CMKLR1: variants seen among roughly 807,000 people sequenced by gnomAD.
CMKLR1 encodes the protein chemerin chemokine-like receptor 1.
CMKLR1 carries 6 observed loss-of-function variants against 8.2 expected under a neutral mutation model. The observed-to-expected ratio is 0.73, with a 90% CI of 0.40 to 1.44. The LOEUF is 1.44. Ranked by LOEUF, CMKLR1 falls within the 40% of genes most tolerant of loss-of-function variation. The pLI, the probability that CMKLR1 is intolerant of heterozygous loss-of-function variation, is 0.02. For synonymous variants in CMKLR1, 178 were observed against 181.2 expected (o/e 0.98, Z 0.14); for missense variants, 429 against 478.0 (o/e 0.90, Z 0.96).
chr12:108,332,663 T>C (rs1892136568), intron 1 of CMKLR1, among the ~76,000 whole-genome samples: 1 of 152,204 alleles, frequency 6.6e-6, no homozygotes, highest in Non-Finnish European at 1.5e-5. Context: ...TTCTCCAGTT[T>C]TGGGACTCAG....
chr12:108,290,070 G>A lies in CMKLR1; in HGVS notation c.*1771C>T, dbSNP rs932710893. ...TGGAGACATAGGAGGTGGGAGCCAC[G>A]GTAGGAGGCTGTTAATGGCTGTTGA... is the stretch of plus-strand genomic sequence containing the variant. On this transcript the variant is annotated 3_prime_UTR_variant, in exon 4 of 4. Coordinates refer to ENST00000550402, the MANE Select transcript of CMKLR1 (RefSeq NM_001142343.2). 1 of 152,248 alleles carries A rather than the reference G, an allele frequency of 6.6e-6. No homozygotes were observed. The highest frequency in any genetic ancestry group is 2.1e-4 in the South Asian group (1 of 4,836). 9.4% of individuals were successfully genotyped at this position (152,248 alleles called of 1,614,324 possible). A position where few individuals can be genotyped will look rare whatever the true frequency, so the allele number is the denominator to read the frequency against.
intron 2 of CMKLR1, among the ~76,000 whole-genome samples, chr12:108,313,087 C>T (rs1423950283): frequency 6.6e-6 from 1 of 152,154 alleles, no homozygotes; most frequent in Non-Finnish European, 1.5e-5. Context: ...GACAAATGGA[C>T]TGGCACCACT....
In CMKLR1 at chr12:108,302,754, C is replaced by T. The variant is rs557570129; in HGVS notation, c.-73-9090G>A. On this transcript the variant is annotated intron_variant, in intron 2 of 3. Transcript: ENST00000550402. The stretch of plus-strand genomic sequence containing the variant: ...AACATGTCTGCAAAGCGGCAACACA[C>T]GTTTTGCAAGAATCCAGCCAAATAG... Among the ~76,000 whole-genome samples, 102 of 152,238 alleles carry T rather than the reference C, an allele frequency of 6.7e-4. 1 individual carries two copies. The South Asian group carries it at 0.016, about 24-fold the overall frequency.
intron 2 of CMKLR1, among the ~76,000 whole-genome samples, chr12:108,310,513 G>C (rs1041989024): frequency 2.0e-5 from 3 of 152,186 alleles, no homozygotes; most frequent in Non-Finnish European, 4.4e-5. Flanking sequence ...TCCCATCAGA[G>C]AGCCAGGAAG....
chr12:108,303,330 G>C (rs568666226), intron 2 of CMKLR1, among the ~76,000 whole-genome samples: 1 of 152,334 alleles, frequency 6.6e-6, no homozygotes, highest in Non-Finnish European at 1.5e-5. Flanking sequence ...TGCTGGGAAA[G>C]GGACAGGGCC....
At chr12:108,314,029 C>T (rs1409231287) in intron 2 of CMKLR1, among the ~76,000 whole-genome samples, 3 of 152,184 alleles carry the variant, frequency 2.0e-5, no homozygotes, top group African/African-American at 7.2e-5. Flanking sequence ...CTGAGCTGCT[C>T]TCCTGGGTTG....
intron 1 of CMKLR1, among the ~76,000 whole-genome samples, chr12:108,333,203 C>A (rs1004955766): frequency 6.6e-6 from 1 of 152,146 alleles, no homozygotes; most frequent in South Asian, 2.1e-4. Context: ...CAGCAGGAAC[C>A]CAGGGCTGGA....
At chr12:108,335,876 G>A (rs1309309224) in intron 1 of CMKLR1, among the ~76,000 whole-genome samples, 1 of 152,172 alleles carries the variant, frequency 6.6e-6, no homozygotes, top group Admixed American at 6.5e-5. Context: ...TTGTGGAAAG[G>A]ATTCTGCAAC....
At chr12:108,316,390 A>G (rs1891732797) in intron 2 of CMKLR1, among the ~76,000 whole-genome samples, 1 of 152,162 alleles carries the variant, frequency 6.6e-6, no homozygotes, top group South Asian at 2.1e-4. Flanking sequence ...ACGTAGACAG[A>G]AAGAGAGGGG....
intron 2 of CMKLR1, among the ~76,000 whole-genome samples, chr12:108,317,508 G>C (rs905978532): frequency 6.6e-6 from 1 of 152,156 alleles, no homozygotes; most frequent in Non-Finnish European, 1.5e-5. Flanking sequence ...TCTCTCAGCT[G>C]GTTCAAAGTG....
chr12:108,328,142 G>A (rs1316701132), intron 2 of CMKLR1, among the ~76,000 whole-genome samples: 1 of 152,196 alleles, frequency 6.6e-6, no homozygotes. Flanking sequence ...AGGCCAGACA[G>A]GGCCAGCTTC....
At chr12:108,337,841 G>A (rs180954669) in intron 1 of CMKLR1, among the ~76,000 whole-genome samples, 5 of 152,326 alleles carry the variant, frequency 3.3e-5, no homozygotes, top group East Asian at 1.9e-4. Flanking sequence ...CCAGAGGCCT[G>A]AATGACCCAG....
At chr12:108,326,479 G>A (rs1273851382) in intron 2 of CMKLR1, among the ~76,000 whole-genome samples, 1 of 152,206 alleles carries the variant, frequency 6.6e-6, no homozygotes, top group Non-Finnish European at 1.5e-5. Flanking sequence ...AGGCTTCTGA[G>A]GCAATGGGCC....
chr12:108,291,910 TC>T lies in CMKLR1; in HGVS notation c.1052del (p.Arg351LysfsTer9), dbSNP rs1477251158. Reference protein sequence around the residue: ...DTGHSSYPSHRSFTKMSSMNE... With the variant: ...DTGHSSYPSHXSFTKMSSMNE... ...TCATTGATGACATCTTGGTAAAGCT[TC>T]TATGGCTGGGGTAGGAAGAGTGGCC... On this transcript the variant is annotated frameshift_variant, in exon 4 of 4. Transcript: ENST00000550402. LOFTEE classifies it high-confidence loss of function. 6.2e-7 allele frequency: 1 copy of T among 1,614,066 alleles called. No individual in the cohort carries two copies. Among genetic ancestry groups the T allele is most frequent in the African/African-American group, 1.3e-5 (1 of 74,914 alleles).
chr12:108,331,233 T>C (rs1892098866), intron 1 of CMKLR1, among the ~76,000 whole-genome samples: 1 of 152,188 alleles, frequency 6.6e-6, no homozygotes, highest in South Asian at 2.1e-4. Flanking sequence ...ACTACTACCC[T>C]ATGTACAACA....
chr12:108,311,288 G>GTGTA (rs886634734), intron 2 of CMKLR1, among the ~76,000 whole-genome samples: 6 of 150,846 alleles, frequency 4.0e-5, no homozygotes, highest in East Asian at 3.9e-4. Context: ...ACATGAATGT[G>GTGTA]TGTATGTGTG....
intron 1 of CMKLR1, among the ~76,000 whole-genome samples, chr12:108,337,547 G>C (rs1892255947): frequency 6.6e-6 from 1 of 152,184 alleles, no homozygotes; most frequent in Admixed American, 6.5e-5. Context: ...TTAGAACACG[G>C]TGTGGTAGGA....
At chr12:108,332,701 G>T (rs1892137173) in intron 1 of CMKLR1, among the ~76,000 whole-genome samples, 1 of 152,104 alleles carries the variant, frequency 6.6e-6, no homozygotes, top group Non-Finnish European at 1.5e-5. Flanking sequence ...ATGGCCTATT[G>T]TGTGACCTTG....
chr12:108,338,218 C>T lies in CMKLR1; in HGVS notation c.-287+809G>A, dbSNP rs192397189. Among the ~76,000 whole-genome samples the T allele has an allele frequency of 1.5e-3, 227 of 152,178 alleles. 4 individuals carry two copies. The highest frequency in any genetic ancestry group is 4.9e-3 in the African/African-American group (205 of 41,506). ...AGTGGAATATTTTCAACAGAGAGTGCCGGCAAAGGTTTTGTGTCCTTTATA... is the reference window on the plus strand; with the variant it reads ...AGTGGAATATTTTCAACAGAGAGTGTCGGCAAAGGTTTTGTGTCCTTTATA... On this transcript the variant is annotated intron_variant, in intron 1 of 3. Transcript: ENST00000550402.
Sources: gnomAD v4.1 joint callset for allele counts (sites outside exome capture counted in the v4.1 genomes callset) on GRCh38, gnomAD v4.1.1 for gene constraint, MANE v1.5 for transcripts, NCBI Gene and HGNC (gene_info 2026-07-23, HGNC 2026-07-21) for gene names.